Variants in IQCJ observed in about 807,000 individuals in gnomAD.
IQCJ encodes IQ domain-containing protein J.
In IQCJ, 9 loss-of-function variants were observed where a neutral mutation model predicts 11.0. The ratio of observed to expected loss-of-function variants is 0.82; its 90% CI spans 0.49 to 1.43. The LOEUF is 1.43. IQCJ is among the 40% of genes most tolerant of loss of function. The pLI is 0.00. For synonymous variants in IQCJ, 55 were observed against 51.3 expected (o/e 1.07, Z -0.31); for missense variants, 146 against 133.2 (o/e 1.10, Z -0.47).
In IQCJ at chr3:159,262,829, A is replaced by G; in HGVS notation, c.*98A>G. ...TAGCTTATTTGCTACCCAGGAACCC[A>G]TGGTGAGAGTTTTGTCACCTCAAAA... On this transcript the variant is annotated 3_prime_UTR_variant, in exon 4 of 4. Coordinates refer to ENST00000397832, the MANE Select transcript of IQCJ (RefSeq NM_001042706.3). 6 of 1,461,668 alleles carry G rather than the reference A, an allele frequency of 4.1e-6. No individual in the cohort carries two copies. The highest frequency in any genetic ancestry group is 2.3e-5 in the East Asian group (1 of 43,324). 90.5% of individuals were successfully genotyped at this position (1,461,668 alleles called of 1,614,324 possible).
chr3:159,101,577 A>G (rs1717922976), intron 1 of IQCJ, among the ~76,000 whole-genome samples: 1 of 152,182 alleles, frequency 6.6e-6, no homozygotes, highest in South Asian at 2.1e-4. Flanking sequence ...TTGTTCATTG[A>G]CATCTTCTCT....
At chr3:159,071,738 T>C (rs1385655569) in intron 1 of IQCJ, among the ~76,000 whole-genome samples, 1 of 152,090 alleles carries the variant, frequency 6.6e-6, no homozygotes, top group Non-Finnish European at 1.5e-5. Flanking sequence ...GAAAGAATGC[T>C]GCATTTGCCA....
intron 1 of IQCJ, among the ~76,000 whole-genome samples, chr3:159,208,154 G>T (rs1724760399): frequency 6.6e-6 from 1 of 152,158 alleles, no homozygotes; most frequent in Admixed American, 6.5e-5. Flanking sequence ...CTTTGTTAGT[G>T]CCTCTGGGGA....
chr3:159,252,730 C>T lies in IQCJ; in HGVS notation c.78C>T (p.His26=), dbSNP rs1320200918. ...GAGACATTATTTCTGTTTCTAGTCACCAGCTGGCCATGGATGCAGAGAATA... is the reference window on the plus strand; with the variant it reads ...GAGACATTATTTCTGTTTCTAGTCATCAGCTGGCCATGGATGCAGAGAATA... ...VNDGKYSFEN[H]QLAMDAENNI... is the part of the protein sequence containing the mutation. The change falls in exon 3 of 4, where the codon CAC becomes CAT. Residue 26 remains histidine, a synonymous_variant. Transcript: ENST00000397832. 3 of 1,610,358 alleles carry T rather than the reference C, an allele frequency of 1.9e-6. No individual in the cohort carries two copies. The highest frequency in any genetic ancestry group is 2.5e-6 in the Non-Finnish European group (3 of 1,178,106).
At chr3:159,113,528 G>A (rs1718763245) in intron 1 of IQCJ, among the ~76,000 whole-genome samples, 1 of 152,184 alleles carries the variant, frequency 6.6e-6, no homozygotes, top group South Asian at 2.1e-4. Context: ...TTAAAGAATT[G>A]CTTTTTATTG....
intron 1 of IQCJ, among the ~76,000 whole-genome samples, chr3:159,121,138 C>CT (rs1206910456): frequency 0.017 from 2,067 of 123,610 alleles, 44 homozygotes; most frequent in African/African-American, 0.058. Flanking sequence ...TTTCTTTTTT[C>CT]TTTTTTTTTT....
At chr3:159,089,848 C>A (rs1717107070) in intron 1 of IQCJ, among the ~76,000 whole-genome samples, 1 of 151,686 alleles carries the variant, frequency 6.6e-6, no homozygotes, top group Non-Finnish European at 1.5e-5. Context: ...TTTTCAACTT[C>A]TTTGCCTTTG....
At chr3:159,144,612 C>T (rs1355109567) in intron 1 of IQCJ, among the ~76,000 whole-genome samples, 1 of 151,952 alleles carries the variant, frequency 6.6e-6, no homozygotes, top group Admixed American at 6.6e-5. Context: ...GTCTGTTTTT[C>T]AGTCTTACTG....
intron 1 of IQCJ, among the ~76,000 whole-genome samples, chr3:159,236,269 A>C (rs554355792): frequency 6.6e-5 from 2 of 30,220 alleles, no homozygotes; most frequent in African/African-American, 1.6e-4. Context: ...GCTCCTTTTG[A>C]AAAAAAAAAA....
chr3:159,179,017 A>G (rs1408595427), intron 1 of IQCJ, among the ~76,000 whole-genome samples: 1 of 152,174 alleles, frequency 6.6e-6, no homozygotes, highest in Non-Finnish European at 1.5e-5. Flanking sequence ...ATTTTGGAAT[A>G]AACCTACATG....
intron 1 of IQCJ, among the ~76,000 whole-genome samples, chr3:159,093,394 C>T (rs1022375378): frequency 1.3e-5 from 2 of 151,806 alleles, no homozygotes; most frequent in East Asian, 1.9e-4. Flanking sequence ...ACTAATTCTT[C>T]GATAATAGAT....
intron 1 of IQCJ, among the ~76,000 whole-genome samples, chr3:159,150,838 C>T (rs1721173047): frequency 6.6e-6 from 1 of 152,192 alleles, no homozygotes; most frequent in Non-Finnish European, 1.5e-5. Flanking sequence ...CATTGAGGCA[C>T]CTTCATCTGC....
At chr3:159,184,193 G>A (rs1723257724) in intron 1 of IQCJ, among the ~76,000 whole-genome samples, 1 of 151,758 alleles carries the variant, frequency 6.6e-6, no homozygotes, top group Admixed American at 6.6e-5. Context: ...CTATACTTAG[G>A]TTATGTTTGC....
chr3:159,228,127 T>C (rs900794599), intron 1 of IQCJ, among the ~76,000 whole-genome samples: 3 of 152,312 alleles, frequency 2.0e-5, no homozygotes, highest in Admixed American at 6.5e-5. Context: ...CAAGCATTTT[T>C]CCCCTGGTTA....
At chr3:159,193,731 G>A (rs942548441) in intron 1 of IQCJ, among the ~76,000 whole-genome samples, 2 of 152,276 alleles carry the variant, frequency 1.3e-5, no homozygotes, top group Non-Finnish European at 1.5e-5. Context: ...GCCACCAGTT[G>A]GATATTTGGT....
At chr3:159,165,963 A>G (rs939010221) in intron 1 of IQCJ, among the ~76,000 whole-genome samples, 1 of 151,786 alleles carries the variant, frequency 6.6e-6, no homozygotes, top group Admixed American at 6.6e-5. Context: ...GTAAATACAT[A>G]TGTGTCTTTG....
At chr3:159,231,558 C>A (rs1726250805) in intron 1 of IQCJ, among the ~76,000 whole-genome samples, 2 of 152,076 alleles carry the variant, frequency 1.3e-5, no homozygotes, top group South Asian at 4.1e-4. Flanking sequence ...TTTTTTGCAT[C>A]AATGTTCATC....
At chr3:159,147,746 T>G (rs1172420448) in intron 1 of IQCJ, among the ~76,000 whole-genome samples, 1 of 152,240 alleles carries the variant, frequency 6.6e-6, no homozygotes, top group South Asian at 2.1e-4. Context: ...ATATGAACTC[T>G]GTATGGTCAT....
intron 1 of IQCJ, among the ~76,000 whole-genome samples, chr3:159,161,548 G>T (rs1471429731): frequency 1.3e-5 from 2 of 152,114 alleles, no homozygotes; most frequent in Admixed American, 6.5e-5. Context: ...GATCCCATTT[G>T]TCAATTTTGG....
Sources: allele counts gnomAD v4.1 joint callset (sites outside exome capture counted in the v4.1 genomes callset), GRCh38; gene constraint gnomAD v4.1.1; transcripts MANE v1.5; gene names NCBI Gene and HGNC (gene_info 2026-07-23, HGNC 2026-07-21).